The following GOLGA8T variants were observed in gnomAD, a reference collection of about 807,000 sequenced individuals.
GOLGA8T encodes golgin subfamily A member 8T.
In GOLGA8T, 17 loss-of-function variants were observed where a neutral mutation model predicts 52.0. The observed-to-expected ratio is 0.33, with a 90% CI of 0.22 to 0.49. The LOEUF (loss-of-function observed/expected upper bound fraction) is 0.49, where lower values mean the gene tolerates loss of function less well. Among genes scored for constraint, GOLGA8T ranks in the 20% least tolerant of loss-of-function variants. The pLI is 0.99. For missense variants in GOLGA8T, 154 were observed against 462.1 expected, an observed-to-expected ratio of 0.33 and a Z score of 6.11; for synonymous variants, 67 against 169.5, an observed-to-expected ratio of 0.40 and a Z score of 4.70.
intron 11 of GOLGA8T, 32 bp downstream of exon 11, chr15:30,141,457 G>A: frequency 6.6e-7 from 1 of 1,520,316 alleles, no homozygotes; most frequent in East Asian, 2.4e-5. Flanking sequence ...CTAGGAGCAG[G>A]ACTGGCATCA....
rs1236710007 is a variant in GOLGA8T, at chr15:30,142,057, C to T, written c.1130C>T (p.Pro377Leu). ...LAKPQSVFEE[P>L]NNENKNALQL... ...AAGCCACAGAGCGTCTTCGAGGAGC[C>T]GGTGCGTTGCCCAAACTGGGGAGCT... Residue 377 changes from proline (P) to leucine (L), a missense_variant and splice_region_variant, in exon 12 of 19, where the codon CCG (proline) becomes CTG (leucine). Coordinates refer to ENST00000569052, the MANE Select transcript of GOLGA8T (RefSeq NM_001355469.2). 57 of 419,256 alleles carry T rather than the reference C, an allele frequency of 1.4e-4. No individual in the cohort carries two copies. The African/African-American group carries it at 1.4e-3, about 10-fold the overall frequency. 26.0% of individuals were successfully genotyped at this position (419,256 alleles called of 1,614,324 possible).
rs373994728 is a variant in GOLGA8T, at chr15:30,143,490, T to C, written c.1201-116T>C. The C allele has an allele frequency of 1.3e-3, 1,815 of 1,403,988 alleles. 16 individuals are homozygous for C. In the African/African-American group the frequency reaches 0.021, roughly 16 times the overall value. 87.0% of individuals were successfully genotyped at this position (1,403,988 alleles called of 1,614,324 possible). On this transcript the variant is annotated intron_variant, in intron 13 of 18. Coordinates refer to ENST00000569052, the MANE Select transcript of GOLGA8T (RefSeq NM_001355469.2). ...AGGAAGCTTGGGGCAAAGCGGTGGC[T>C]GAGATGGCCTGCCAAAAGTTGCAGG...
Position 30,148,637 on chromosome 15 carries a change from T to A in GOLGA8T, c.*3070T>A, listed in dbSNP as rs1254949046. Among the ~76,000 whole-genome samples the A allele has an allele frequency of 6.9e-6, 1 of 144,192 alleles. No homozygotes were observed. Among genetic ancestry groups the A allele is most frequent in the Non-Finnish European group, 1.5e-5 (1 of 66,892 alleles). 94.6% of individuals were successfully genotyped at this position (144,192 alleles called of 152,430 possible). A position where few individuals can be genotyped will look rare whatever the true frequency, so the allele number is the denominator to read the frequency against. ...TCTTAGAATGAATTTTACCAGTTTA[T>A]GAATTATTGTAAACAGAATGTGTCA... On this transcript the variant is annotated 3_prime_UTR_variant, in exon 19 of 19. Transcript: ENST00000569052.
rs1195862183 is a variant in GOLGA8T, at chr15:30,148,290, A to G, written c.*2723A>G. On this transcript the variant is annotated 3_prime_UTR_variant, in exon 19 of 19. Transcript: ENST00000569052. ...AAAACACCTATTTAAAGATGGCAAT[A>G]TATAATAATCATTTTAAAAGTATTT... 1.4e-3 allele frequency among the ~76,000 whole-genome samples: 167 copies of G among 116,174 alleles called. No homozygotes were observed. The highest frequency in any genetic ancestry group is 4.5e-3 in the African/African-American group (97 of 21,382). The allele number at this position is 116,174 out of a possible 152,430, so 76.2% of individuals were successfully genotyped here.
chr15:30,141,677 T>A, intron 11 of GOLGA8T, 125 bp from the exon 12 acceptor site: 2 of 687,556 alleles, frequency 2.9e-6, no homozygotes, highest in Non-Finnish European at 4.5e-6. Flanking sequence ...CTGGCTACCA[T>A]CTGGGTGCGA....
intron 13 of GOLGA8T, 48 bp downstream of exon 13, chr15:30,142,430 G>C: frequency 1.9e-6 from 3 of 1,580,668 alleles, no homozygotes; most frequent in South Asian, 1.1e-5. Flanking sequence ...GCTGGGAGGC[G>C]GGCAGCAGAC....
At chr15:30,142,406 C>A in intron 13 of GOLGA8T, 24 bp downstream of exon 13, 1 of 1,571,498 alleles carries the variant, frequency 6.4e-7, no homozygotes, top group Non-Finnish European at 8.5e-7. Context: ...AAACCTCCAC[C>A]CCATCCAAGA....
chr15:30,145,564 A>G lies in GOLGA8T; in HGVS notation c.1893A>G (p.Arg631=), dbSNP rs1221802464. 7 of 1,494,048 alleles carry G rather than the reference A, an allele frequency of 4.7e-6. 1 individual carries two copies. The highest frequency in any genetic ancestry group is 6.2e-6 in the Non-Finnish European group (7 of 1,127,970). The allele number at this position is 1,494,048 out of a possible 1,614,324, so 92.5% of individuals were successfully genotyped here. The part of the protein sequence containing the change: ...LCWAWLPRRR[R] Reference sequence around the variant, plus strand: ...GGGCTTGGCTGCCAAGAAGAAGGAGATAAACATCACCATCCTCAAAGAGCT... The same window carrying G: ...GGGCTTGGCTGCCAAGAAGAAGGAGGTAAACATCACCATCCTCAAAGAGCT... The change falls in exon 19 of 19, where the codon AGA becomes AGG. Residue 631 remains arginine, a synonymous_variant. Coordinates refer to ENST00000569052, the MANE Select transcript of GOLGA8T (RefSeq NM_001355469.2).
Position 30,140,834 on chromosome 15 carries a change from C to T in GOLGA8T, c.592-8C>T. 6.5e-7 allele frequency: 1 copy of T among 1,543,990 alleles called. No homozygotes were observed. Among genetic ancestry groups the T allele is most frequent in the Non-Finnish European group, 8.8e-7 (1 of 1,141,280 alleles). On this transcript the variant is annotated splice_region_variant and splice_polypyrimidine_tract_variant and intron_variant, in intron 8 of 18. Coordinates refer to ENST00000569052, the MANE Select transcript of GOLGA8T (RefSeq NM_001355469.2). ...CCAGATTGAAACTTCTCACTCTTCA[C>T]CATCCAGTTGTCCAGCCGCAGCAAA...
Position 30,142,505 on chromosome 15 carries a change from C to A in GOLGA8T, c.1200+123C>A, listed in dbSNP as rs968730969. 52 of 1,512,310 alleles carry A rather than the reference C, an allele frequency of 3.4e-5. 2 individuals carry two copies. The highest frequency in any genetic ancestry group is 3.9e-5 in the Non-Finnish European group (44 of 1,134,006). 93.7% of individuals were successfully genotyped at this position (1,512,310 alleles called of 1,614,324 possible). On this transcript the variant is annotated intron_variant, in intron 13 of 18. Coordinates refer to ENST00000569052, the MANE Select transcript of GOLGA8T (RefSeq NM_001355469.2). ...CCTGGGGGCTGGTGACCACAGCACCCCCCAGGGCAGTCCTGTTTCTTGCTT... is the reference window on the plus strand; with the variant it reads ...CCTGGGGGCTGGTGACCACAGCACCACCCAGGGCAGTCCTGTTTCTTGCTT...
In GOLGA8T at chr15:30,145,664, G is replaced by C. The variant is rs1382478518; in HGVS notation, c.*97G>C. The C allele has an allele frequency of 1.1e-6, 1 of 939,366 alleles. No homozygotes were observed. Among genetic ancestry groups the C allele is most frequent in the Non-Finnish European group, 1.5e-6 (1 of 661,426 alleles). The allele number at this position is 939,366 out of a possible 1,614,324, so 58.2% of individuals were successfully genotyped here. A position where few individuals can be genotyped will look rare whatever the true frequency, so the allele number is the denominator to read the frequency against. On this transcript the variant is annotated 3_prime_UTR_variant, in exon 19 of 19. Transcript: ENST00000569052. ...CACAATTCATTTACTTCCTTTGAATGTTAGACTCACTCATGATTATTTGTG... is the reference window on the plus strand; with the variant it reads ...CACAATTCATTTACTTCCTTTGAATCTTAGACTCACTCATGATTATTTGTG...
rs1263193434 is a variant in GOLGA8T at position 30,146,918 on chromosome 15, AAGG to A, written c.*1354_*1356del. 3.9e-5 allele frequency among the ~76,000 whole-genome samples: 5 copies of A among 126,662 alleles called. No homozygotes were observed. Among genetic ancestry groups the A allele is most frequent in the Non-Finnish European group, 7.5e-5 (5 of 66,354 alleles). 83.1% of individuals were successfully genotyped at this position (126,662 alleles called of 152,430 possible). ...TGGTATTGTACTCTCTTTGAAAATC[AAGG>A]AGAAGTTTATGAAACTTAAAATGTG... On this transcript the variant is annotated 3_prime_UTR_variant, in exon 19 of 19. Transcript: ENST00000569052.
Position 30,148,497 on chromosome 15 carries a change from A to G in GOLGA8T, c.*2930A>G, listed in dbSNP as rs1294053512. ...TGTAACTGCTATCTTAATGTTCTGA[A>G]ATAATTTAAAACATTTTAAAATATG... On this transcript the variant is annotated 3_prime_UTR_variant, in exon 19 of 19. Coordinates refer to ENST00000569052, the MANE Select transcript of GOLGA8T (RefSeq NM_001355469.2). Among the ~76,000 whole-genome samples, 1,747 of 120,846 alleles carry G rather than the reference A, an allele frequency of 0.014. 24 individuals are homozygous for G. Among genetic ancestry groups the G allele is most frequent in the South Asian group, 0.034 (116 of 3,386 alleles). 79.3% of individuals were successfully genotyped at this position (120,846 alleles called of 152,430 possible).
rs1785612610 is a variant in GOLGA8T, at chr15:30,148,322, A to C, written c.*2755A>C. On this transcript the variant is annotated 3_prime_UTR_variant, in exon 19 of 19. Coordinates refer to ENST00000569052, the MANE Select transcript of GOLGA8T (RefSeq NM_001355469.2). ...AATCATTTTAAAAGTATTTGATTCA[A>C]CCTGATAATTTTCCAGAAATGAAAA... Among the ~76,000 whole-genome samples the C allele has an allele frequency of 7.8e-6, 1 of 127,950 alleles. No individual in the cohort carries two copies. The highest frequency in any genetic ancestry group is 4.1e-5 in the African/African-American group (1 of 24,434). The allele number at this position is 127,950 out of a possible 152,430, so 83.9% of individuals were successfully genotyped here. A position where few individuals can be genotyped will look rare whatever the true frequency, so the allele number is the denominator to read the frequency against.
At chr15:30,137,202 C>T (rs1171796777) in intron 2 of GOLGA8T, among the ~76,000 whole-genome samples, 2 of 147,164 alleles carry the variant, frequency 1.4e-5, no homozygotes, top group East Asian at 2.0e-4. Context: ...ACGGTGAAAC[C>T]CTGTCTCTAC....
chr15:30,142,782 C>CAAA (rs58040553), intron 13 of GOLGA8T, among the ~76,000 whole-genome samples: 1 of 76,438 alleles, frequency 1.3e-5, no homozygotes, highest in Non-Finnish European at 2.2e-5. Flanking sequence ...ACTAAAATTA[C>CAAA]AAAAAAAAAA....
In GOLGA8T at chr15:30,145,317, G is replaced by A. The variant is rs2057813195; in HGVS notation, c.1720+10G>A. 7.2e-7 allele frequency: 1 copy of A among 1,382,742 alleles called. No individual in the cohort carries two copies. Among genetic ancestry groups the A allele is most frequent in the Non-Finnish European group, 9.6e-7 (1 of 1,045,030 alleles). 85.7% of individuals were successfully genotyped at this position (1,382,742 alleles called of 1,614,324 possible). A position where few individuals can be genotyped will look rare whatever the true frequency, so the allele number is the denominator to read the frequency against. On this transcript the variant is annotated intron_variant, in intron 18 of 18. Coordinates refer to ENST00000569052, the MANE Select transcript of GOLGA8T (RefSeq NM_001355469.2). ...GCAGACAAGCATGGTGGTGAGTAGA[G>A]CCCTCAGGTGGGGTGGGCAGGCAGG... is the stretch of plus-strand genomic sequence containing the variant.
chr15:30,142,373 G>T lies in GOLGA8T; in HGVS notation c.1191G>T (p.Lys397Asn), dbSNP rs2057755758. ...AGCAAGTAAAGGAGCTACAGGAGAA[G>T]CTTGGCGAGGTGAAGGAGACGGAAA... ...LEQQVKELQE[K>N]LGEEHLEAAS... The change falls in exon 13 of 19, where the codon AAG (lysine) becomes AAT (asparagine). Residue 397 changes from lysine (K) to asparagine (N), a missense_variant. By Grantham distance (94) the Lys-to-Asn change is moderately conservative. This residue lies in a region of GOLGA8T where 54 missense variants were observed against 51.5 expected (regional missense o/e 1.05). Coordinates refer to ENST00000569052, the MANE Select transcript of GOLGA8T (RefSeq NM_001355469.2). 1 of 1,545,098 alleles carries T rather than the reference G, an allele frequency of 6.5e-7. No individual in the cohort carries two copies. Among genetic ancestry groups the T allele is most frequent in the Non-Finnish European group, 8.7e-7 (1 of 1,154,470 alleles).
intron 2 of GOLGA8T, among the ~76,000 whole-genome samples, chr15:30,137,249 G>C (rs1469708467): frequency 6.8e-6 from 1 of 146,954 alleles, no homozygotes; most frequent in Non-Finnish European, 1.5e-5. Context: ...GTGGTGGCGT[G>C]TGCCTGTAGT....
Sources: allele counts gnomAD v4.1 joint callset (sites outside exome capture counted in the v4.1 genomes callset), GRCh38; gene constraint gnomAD v4.1.1; regional missense constraint gnomAD v4.1.1; transcripts MANE v1.5; gene names NCBI Gene and HGNC (gene_info 2026-07-23, HGNC 2026-07-21).